Variants in TRIM71 observed in about 807,000 individuals in gnomAD.
TRIM71 encodes tripartite motif containing 71, also known as E3 ubiquitin-protein ligase TRIM71.
Under a neutral mutation model 61.2 loss-of-function variants are expected in TRIM71, and 9 were observed. That is an observed-to-expected ratio of 0.15 (90% CI 0.09 to 0.26). The LOEUF is 0.26. TRIM71 is among the 10% of genes least tolerant of loss of function. The probability of loss-of-function intolerance (pLI) is 1.00; values close to 1 mark genes in which losing one functional copy is unlikely to be tolerated. For synonymous variants in TRIM71, 645 were observed against 553.2 expected (o/e 1.17, Z -2.33); for missense variants, 998 against 1,238.7 (o/e 0.81, Z 2.92).
chr3:32,875,846 G>A (rs1275545242), intron 2 of TRIM71, among the ~76,000 whole-genome samples: 5 of 152,138 alleles, frequency 3.3e-5, no homozygotes, highest in South Asian at 2.1e-4. Context: ...AAAAAAATCC[G>A]TTTTGAAAGT....
intron 1 of TRIM71, among the ~76,000 whole-genome samples, chr3:32,850,594 C>T (rs932601036): frequency 2.0e-5 from 3 of 152,190 alleles, no homozygotes; most frequent in Non-Finnish European, 4.4e-5. Flanking sequence ...CTGCTTAATT[C>T]TCGACCTTCT....
intron 1 of TRIM71, among the ~76,000 whole-genome samples, chr3:32,869,417 T>C (rs1696773164): frequency 6.6e-6 from 1 of 152,240 alleles, no homozygotes; most frequent in African/African-American, 2.4e-5. Flanking sequence ...CTTACATTCT[T>C]CACTGATAGG....
chr3:32,853,207 C>T (rs962335232), intron 1 of TRIM71, among the ~76,000 whole-genome samples: 1 of 151,548 alleles, frequency 6.6e-6, no homozygotes, highest in African/African-American at 2.4e-5. Flanking sequence ...ACCTCCGCCT[C>T]CTGGGTTCAA....
intron 2 of TRIM71, among the ~76,000 whole-genome samples, chr3:32,883,322 A>G (rs1696928905): frequency 6.6e-6 from 1 of 152,178 alleles, no homozygotes; most frequent in South Asian, 2.1e-4. Context: ...GGTCTGTTGT[A>G]ACAATTTACC....
intron 1 of TRIM71, among the ~76,000 whole-genome samples, chr3:32,835,223 G>C (rs914550411): frequency 7.9e-5 from 12 of 152,190 alleles, no homozygotes; most frequent in African/African-American, 2.7e-4. Context: ...CACAGTTTTT[G>C]CATGTGTAAC....
intron 1 of TRIM71, among the ~76,000 whole-genome samples, chr3:32,829,626 T>TTGTGTGTGTGTA (rs1696244979): frequency 6.7e-6 from 1 of 148,680 alleles, no homozygotes. Flanking sequence ...TGTCATGGTA[T>TTGTGTGTGTGTA]TGTGTGTGTG....
chr3:32,888,731 G>C (rs751028140), intron 3 of TRIM71, among the ~76,000 whole-genome samples: 4 of 152,120 alleles, frequency 2.6e-5, no homozygotes, highest in Non-Finnish European at 5.9e-5. Flanking sequence ...GTACAGAGAA[G>C]GTCTCACTAT....
intron 1 of TRIM71, among the ~76,000 whole-genome samples, chr3:32,872,334 C>T (rs1199522235): frequency 2.0e-5 from 3 of 152,002 alleles, no homozygotes; most frequent in South Asian, 2.1e-4. Context: ...CAATTAGCCC[C>T]GAGTGGAGTA....
intron 1 of TRIM71, among the ~76,000 whole-genome samples, chr3:32,821,096 A>G (rs1430316871): frequency 1.3e-5 from 2 of 152,228 alleles, no homozygotes; most frequent in Admixed American, 6.5e-5. Flanking sequence ...GGTTCCACCT[A>G]CAGCTTAAAT....
chr3:32,826,499 GT>G (rs774146395), intron 1 of TRIM71, among the ~76,000 whole-genome samples: 2 of 142,936 alleles, frequency 1.4e-5, no homozygotes, highest in African/African-American at 5.1e-5. Flanking sequence ...TAGGCTAATA[GT>G]TTTTTTTGTC....
At chr3:32,868,860 G>A (rs1323939415) in intron 1 of TRIM71, among the ~76,000 whole-genome samples, 3 of 152,136 alleles carry the variant, frequency 2.0e-5, no homozygotes, top group African/African-American at 4.8e-5. Context: ...TGAGGACTAT[G>A]CCTGAACTGG....
At chr3:32,870,568 A>C (rs529521675) in intron 1 of TRIM71, among the ~76,000 whole-genome samples, 1 of 152,284 alleles carries the variant, frequency 6.6e-6, no homozygotes, top group East Asian at 1.9e-4. Context: ...GTGTCGGCTC[A>C]GGGCACCCTG....
intron 1 of TRIM71, among the ~76,000 whole-genome samples, chr3:32,847,058 T>C (rs1452029428): frequency 1.3e-5 from 2 of 152,106 alleles, no homozygotes; most frequent in Non-Finnish European, 2.9e-5. Context: ...TTTGTTTTGT[T>C]TGAGTTTCTG....
At chr3:32,819,760 G>A (rs951868139) in intron 1 of TRIM71, among the ~76,000 whole-genome samples, 1 of 152,062 alleles carries the variant, frequency 6.6e-6, no homozygotes, top group African/African-American at 2.4e-5. Flanking sequence ...CGCCTGCCCC[G>A]ACTCCAAGCC....
intron 1 of TRIM71, among the ~76,000 whole-genome samples, chr3:32,822,102 G>A (rs893618378): frequency 1.3e-5 from 2 of 152,160 alleles, no homozygotes; most frequent in African/African-American, 4.8e-5. Flanking sequence ...AATGCTGGGT[G>A]TGTTGTGTGC....
At chr3:32,866,875 G>T (rs1696741798) in intron 1 of TRIM71, among the ~76,000 whole-genome samples, 1 of 152,174 alleles carries the variant, frequency 6.6e-6, no homozygotes, top group African/African-American at 2.4e-5. Context: ...GTCAGTGGTA[G>T]TGAAGAATTT....
At chr3:32,821,627 T>C (rs1461134475) in intron 1 of TRIM71, among the ~76,000 whole-genome samples, 1 of 152,120 alleles carries the variant, frequency 6.6e-6, no homozygotes, top group African/African-American at 2.4e-5. Flanking sequence ...TTCAACAACA[T>C]AGTTGGGGCT....
chr3:32,818,294 G>A lies in TRIM71; in HGVS notation c.214G>A (p.Ala72Thr). 2.1e-6 allele frequency: 3 copies of A among 1,433,302 alleles called. No homozygotes were observed. The highest frequency in any genetic ancestry group is 1.5e-5 in the African/African-American group (1 of 67,066). 88.8% of individuals were successfully genotyped at this position (1,433,302 alleles called of 1,614,324 possible). ...CGCCTTCTGCCGCCCCTGCCTCGAGGCGCACCGGCTGCCGGCGGCGGGCGG... is the reference window on the plus strand; with the variant it reads ...CGCCTTCTGCCGCCCCTGCCTCGAGACGCACCGGCTGCCGGCGGCGGGCGG... ...LHAFCRPCLE[A>T]HRLPAAGGGA... Residue 72 changes from alanine to threonine, a missense_variant, in exon 1 of 4, where the codon GCG (alanine) becomes ACG (threonine). This residue lies in a region of TRIM71 where 527 missense variants were observed against 427.8 expected (regional missense o/e 1.23). Coordinates refer to ENST00000383763, the MANE Select transcript of TRIM71 (RefSeq NM_001039111.3).
At chr3:32,870,016 G>A (rs1696779014) in intron 1 of TRIM71, among the ~76,000 whole-genome samples, 1 of 152,164 alleles carries the variant, frequency 6.6e-6, no homozygotes, top group Admixed American at 6.5e-5. Flanking sequence ...CACATTTCTG[G>A]CTATAGGACC....
Sources: allele counts gnomAD v4.1 joint callset (sites outside exome capture counted in the v4.1 genomes callset), GRCh38; gene constraint gnomAD v4.1.1; regional missense constraint gnomAD v4.1.1; transcripts MANE v1.5; gene names NCBI Gene and HGNC (gene_info 2026-07-23, HGNC 2026-07-21).